The following PRKN variants were observed in gnomAD, a reference collection of about 807,000 sequenced individuals.
The protein encoded by PRKN is E3 ubiquitin-protein ligase parkin.
In PRKN, 56 loss-of-function variants were observed where a neutral mutation model predicts 59.5. The ratio of observed to expected loss-of-function variants is 0.94; its 90% CI spans 0.76 to 1.18. PRKN has a LOEUF of 1.18. Ranked by LOEUF, PRKN falls within the 50% of genes most tolerant of loss-of-function variation. The pLI is 0.00. For synonymous variants in PRKN, 250 were observed against 222.1 expected (o/e 1.13, Z -1.12); for missense variants, 657 against 596.4 (o/e 1.10, Z -1.06).
At chr6:162,235,738 G>A (rs550416390) in intron 3 of PRKN, among the ~76,000 whole-genome samples, 2 of 151,940 alleles carry the variant, frequency 1.3e-5, no homozygotes, top group East Asian at 3.9e-4. Flanking sequence ...GGGAGGTGGA[G>A]GTTGCAGGGA....
intron 4 of PRKN, among the ~76,000 whole-genome samples, chr6:162,168,226 T>C (rs888183263): frequency 3.9e-5 from 6 of 152,136 alleles, no homozygotes; most frequent in Admixed American, 3.9e-4. Flanking sequence ...AGTAGCTGCA[T>C]AAACCACTAA....
At position 161,401,537 on chromosome 6, in the gene PRKN, C is replaced by T. The variant is rs1787051478; in HGVS notation, c.1084-14660G>A. On this transcript the variant is annotated intron_variant, in intron 9 of 11. Coordinates refer to ENST00000366898, the MANE Select transcript of PRKN (RefSeq NM_004562.3). The surrounding 1 kb of genome is among the most constrained non-coding windows in gnomAD (Gnocchi z 4.4). ...CTGAGGCAGGAGAATTGCTTGAACC[C>T]AGGAGGCGGAGGCTGCAGTGAGCCG... Among the ~76,000 whole-genome samples the T allele has an allele frequency of 6.6e-6, 1 of 151,964 alleles. No homozygotes were observed. Among genetic ancestry groups the T allele is most frequent in the South Asian group, 2.1e-4 (1 of 4,814 alleles).
Position 161,362,102 on chromosome 6 carries a change from T to C in PRKN, c.1168-1897A>G, listed in dbSNP as rs972607169. Among the ~76,000 whole-genome samples, 21 of 152,132 alleles carry C rather than the reference T, an allele frequency of 1.4e-4. No individual in the cohort carries two copies. Among genetic ancestry groups the C allele is most frequent in the African/African-American group, 4.6e-4 (19 of 41,434 alleles). On this transcript the variant is annotated intron_variant, in intron 10 of 11. Coordinates refer to ENST00000366898, the MANE Select transcript of PRKN (RefSeq NM_004562.3). This position sits in a 1 kb window ranked among gnomAD's most constrained non-coding sequence, Gnocchi z 5.2. Reference sequence around the variant, plus strand: ...GTGGCAAGTTGGTAAGTCATACAAATTGGAGAAAAATACAATTTTACTTAT... The same window carrying C: ...GTGGCAAGTTGGTAAGTCATACAAACTGGAGAAAAATACAATTTTACTTAT...
At position 161,538,413 on chromosome 6, in the gene PRKN, T is replaced by C. The variant is rs1228178807; in HGVS notation, c.1083+10441A>G. Among the ~76,000 whole-genome samples, 1 of 152,138 alleles carries C rather than the reference T, an allele frequency of 6.6e-6. No homozygotes were observed. The highest frequency in any genetic ancestry group is 6.5e-5 in the Admixed American group (1 of 15,278). On this transcript the variant is annotated intron_variant, in intron 9 of 11. Transcript: ENST00000366898. This position sits in a 1 kb window ranked among gnomAD's most constrained non-coding sequence, Gnocchi z 4.2. ...GTCTCTATCCACAACCTCAACTTCT[T>C]AATGGACAGTGGGGACAAAGGCCTG... is the stretch of plus-strand genomic sequence containing the variant.
intron 2 of PRKN, among the ~76,000 whole-genome samples, chr6:162,316,168 G>A (rs750641592): frequency 5.3e-5 from 8 of 151,606 alleles, no homozygotes; most frequent in Non-Finnish European, 8.8e-5. Context: ...AAAAATGTGC[G>A]TGACTTAGGC....
At chr6:162,521,952 C>A (rs547264305) in intron 1 of PRKN, among the ~76,000 whole-genome samples, 1 of 152,164 alleles carries the variant, frequency 6.6e-6, no homozygotes, top group South Asian at 2.1e-4. Flanking sequence ...GGAGGTTTGA[C>A]GCAATGGAAT....
At chr6:162,310,339 TC>T (rs1562659605) in intron 2 of PRKN, among the ~76,000 whole-genome samples, 1 of 152,096 alleles carries the variant, frequency 6.6e-6, no homozygotes. Flanking sequence ...CCAGGCCAGT[TC>T]CCCACCATAG....
At position 161,360,404 on chromosome 6, in the gene PRKN, C is replaced by T. The variant is rs1216916699; in HGVS notation, c.1168-199G>A. ...CACTCTCCCTGGCATGTGGCGTATG[C>T]GTAGGAGCGGGGAAGAGATTGTTTG... is the stretch of plus-strand genomic sequence containing the variant. On this transcript the variant is annotated intron_variant, in intron 10 of 11. Coordinates refer to ENST00000366898, the MANE Select transcript of PRKN (RefSeq NM_004562.3). The surrounding 1 kb of genome is among the most constrained non-coding windows in gnomAD (Gnocchi z 5.1). Among the ~76,000 whole-genome samples, 2 of 152,192 alleles carry T rather than the reference C, an allele frequency of 1.3e-5. No homozygotes were observed. Among genetic ancestry groups the T allele is most frequent in the East Asian group, 1.9e-4 (1 of 5,200 alleles).
At chr6:162,717,131 G>A (rs1778760210) in intron 1 of PRKN, among the ~76,000 whole-genome samples, 1 of 152,192 alleles carries the variant, frequency 6.6e-6, no homozygotes, top group Non-Finnish European at 1.5e-5. Context: ...CAGTAAAGGA[G>A]AAGGCAATGT....
At chr6:162,112,351 T>A (rs374449579) in intron 4 of PRKN, among the ~76,000 whole-genome samples, 3 of 152,222 alleles carry the variant, frequency 2.0e-5, no homozygotes, top group Admixed American at 6.5e-5. Flanking sequence ...TTCATGTCTA[T>A]ACAATTACTA....
intron 6 of PRKN, among the ~76,000 whole-genome samples, chr6:161,794,774 C>T (rs1255426126): frequency 4.6e-5 from 7 of 152,192 alleles, no homozygotes; most frequent in African/African-American, 9.6e-5. Context: ...TCAGCTGAGG[C>T]GCAACCTCCC....
At chr6:162,464,860 A>G (rs1791346604) in intron 1 of PRKN, among the ~76,000 whole-genome samples, 1 of 150,686 alleles carries the variant, frequency 6.6e-6, no homozygotes, top group Non-Finnish European at 1.5e-5. Flanking sequence ...AAAGAAAAAG[A>G]AAGAAATTTG....
chr6:161,977,738 G>A (rs111758563), intron 5 of PRKN, among the ~76,000 whole-genome samples: 2 of 150,534 alleles, frequency 1.3e-5, no homozygotes, highest in African/African-American at 2.4e-5. Flanking sequence ...TAGTAGAGAC[G>A]GGGTTTCACC....
At chr6:162,180,018 C>A (rs1783730174) in intron 4 of PRKN, among the ~76,000 whole-genome samples, 1 of 97,976 alleles carries the variant, frequency 1.0e-5, no homozygotes, top group Admixed American at 1.0e-4. Flanking sequence ...ATGTGTGTAG[C>A]AAAGTCTACA....
At chr6:162,684,374 T>C (rs1326366773) in intron 1 of PRKN, among the ~76,000 whole-genome samples, 2 of 152,134 alleles carry the variant, frequency 1.3e-5, no homozygotes, top group African/African-American at 4.8e-5. Flanking sequence ...CAATGCCCCA[T>C]AGCTTTCCAT....
chr6:161,360,337 A>G lies in PRKN; in HGVS notation c.1168-132T>C. On this transcript the variant is annotated intron_variant, in intron 10 of 11. Coordinates refer to ENST00000366898, the MANE Select transcript of PRKN (RefSeq NM_004562.3). The surrounding 1 kb of genome is among the most constrained non-coding windows in gnomAD (Gnocchi z 5.1). Reference sequence around the variant, plus strand: ...CTTCGGGCAAGAAGCCTAAATATCAATGCACTTGACAAATGCTAGACAGCT... The same window carrying G: ...CTTCGGGCAAGAAGCCTAAATATCAGTGCACTTGACAAATGCTAGACAGCT... 1 of 761,764 alleles carries G rather than the reference A, an allele frequency of 1.3e-6. No individual in the cohort carries two copies. The highest frequency in any genetic ancestry group is 2.4e-6 in the Non-Finnish European group (1 of 422,042). 47.2% of individuals were successfully genotyped at this position (761,764 alleles called of 1,614,324 possible).
At chr6:161,885,075 G>A (rs1322268615) in intron 6 of PRKN, among the ~76,000 whole-genome samples, 2 of 147,252 alleles carry the variant, frequency 1.4e-5, no homozygotes, top group South Asian at 2.1e-4. Flanking sequence ...TCATTAACTA[G>A]AAGCTTATTA....
chr6:161,490,868 G>C (rs1018569264), intron 9 of PRKN, among the ~76,000 whole-genome samples: 2 of 151,908 alleles, frequency 1.3e-5, no homozygotes, highest in African/African-American at 4.8e-5. Context: ...CGTGAGATCT[G>C]GTTGTTTAAA....
chr6:161,835,742 T>C (rs1441788468), intron 6 of PRKN, among the ~76,000 whole-genome samples: 26 of 152,208 alleles, frequency 1.7e-4, no homozygotes, highest in Non-Finnish European at 4.4e-5. Flanking sequence ...CAGCACGTGC[T>C]CTTAAGGTGG....
Sources: gnomAD v4.1 joint callset for allele counts (sites outside exome capture counted in the v4.1 genomes callset) on GRCh38, gnomAD v4.1.1 for gene constraint, Gnocchi (gnomAD v3.1) non-coding constraint, MANE v1.5 for transcripts, NCBI Gene and HGNC (gene_info 2026-07-23, HGNC 2026-07-21) for gene names.